Variants in NHSL1 observed in about 807,000 individuals in gnomAD.
The protein encoded by NHSL1 is NHS like 1, also known as NHS-like protein 1.
A neutral mutation model predicts 95.0 loss-of-function variants in NHSL1; 48 were observed. The observed-to-expected ratio is 0.51, with a 90% CI of 0.40 to 0.64. NHSL1 has a LOEUF of 0.64. NHSL1 is among the 30% of genes least tolerant of loss of function. The pLI, the probability that NHSL1 is intolerant of heterozygous loss-of-function variation, is 0.00. For synonymous variants in NHSL1, 783 were observed against 833.9 expected, an observed-to-expected ratio of 0.94 and a Z score of 1.05; for missense variants, 1,971 against 2,077.7, an observed-to-expected ratio of 0.95 and a Z score of 1.00.
intron 1 of NHSL1, among the ~76,000 whole-genome samples, chr6:138,673,548 A>G (rs1785409740): frequency 6.6e-6 from 1 of 152,184 alleles, no homozygotes; most frequent in Non-Finnish European, 1.5e-5. Flanking sequence ...ATCATTGCAC[A>G]AGTCTAAAGG....
intron 7 of NHSL1, among the ~76,000 whole-genome samples, chr6:138,427,941 G>T (rs1190425779): frequency 6.6e-6 from 1 of 152,140 alleles, no homozygotes; most frequent in Non-Finnish European, 1.5e-5. Flanking sequence ...AGGCCTATTT[G>T]GCTTTGACTT....
At chr6:138,622,224 C>T (rs926704676) in intron 1 of NHSL1, among the ~76,000 whole-genome samples, 2 of 151,944 alleles carry the variant, frequency 1.3e-5, no homozygotes, top group South Asian at 4.2e-4. Context: ...ACCTTTTGGC[C>T]GGGCGTGGTG....
At chr6:138,650,389 G>T in intron 1 of NHSL1, 1 of 1,412,980 alleles carries the variant, frequency 7.1e-7, no homozygotes, top group Non-Finnish European at 9.9e-7. Flanking sequence ...ACAGCCATGA[G>T]GTCGCCGACT....
rs145518525 is a variant in NHSL1, at chr6:138,678,003, T to A, written c.96+14473A>T. On this transcript the variant is annotated intron_variant, in intron 1 of 3. Coordinates refer to the NHSL1 transcript ENST00000491526. Reference sequence around the variant, plus strand: ...AAGCACCACAGAATTAAAGGTACTTTCTGTCAGTAAAGAGAGAGCAGAGTA... The same window carrying A: ...AAGCACCACAGAATTAAAGGTACTTACTGTCAGTAAAGAGAGAGCAGAGTA... 1.7e-3 allele frequency among the ~76,000 whole-genome samples: 265 copies of A among 152,286 alleles called. 1 individual carries two copies. Among genetic ancestry groups the A allele is most frequent in the African/African-American group, 6.2e-3 (258 of 41,550 alleles).
rs776080025 is a variant in NHSL1 at position 138,692,161 on chromosome 6, G to C, written c.96+315C>G. Reference sequence around the variant, plus strand: ...CGAACTTGGCTCTCCTCTGTCTACAGCGCCCCGGGGTCTCCCAAACAGACA... The same window carrying C: ...CGAACTTGGCTCTCCTCTGTCTACACCGCCCCGGGGTCTCCCAAACAGACA... On this transcript the variant is annotated intron_variant, in intron 1 of 3. Coordinates refer to the NHSL1 transcript ENST00000491526. The surrounding 1 kb of genome is among the most constrained non-coding windows in gnomAD (Gnocchi z 4.0). The C allele has an allele frequency of 2.2e-6, 1 of 456,682 alleles. No individual in the cohort carries two copies. Among genetic ancestry groups the C allele is most frequent in the South Asian group, 1.5e-5 (1 of 64,570 alleles). 28.3% of individuals were successfully genotyped at this position (456,682 alleles called of 1,614,324 possible). A position where few individuals can be genotyped will look rare whatever the true frequency, so the allele number is the denominator to read the frequency against.
intron 2 of NHSL1, among the ~76,000 whole-genome samples, chr6:138,493,529 A>T (rs900561339): frequency 2.0e-5 from 3 of 152,234 alleles, no homozygotes; most frequent in Admixed American, 1.3e-4. Flanking sequence ...TTTCCTGGAG[A>T]GTGATCAAAA....
chr6:138,666,661 T>C (rs1384991015), intron 1 of NHSL1, among the ~76,000 whole-genome samples: 3 of 151,644 alleles, frequency 2.0e-5, no homozygotes, highest in East Asian at 1.9e-4. Flanking sequence ...GTGAGACATA[T>C]TGTTAAAAGA....
rs1200237064 is a variant in NHSL1 at position 138,424,198 on chromosome 6, C to T, written c.4704G>A (p.Gly1568=). The stretch of plus-strand genomic sequence containing the variant: ...GCTGCAGGGAGGCGGCAGGCCCCTC[C>T]CCACAGAGCAGGCCGCCCTCGTCCA... ...EEMDEGGLLC[G]EGPAASLQPQ... The change falls in exon 8 of 8, where the codon GGG becomes GGA. Residue 1568 remains glycine, a synonymous_variant. Transcript: ENST00000343505. This position sits in a 1 kb window ranked among gnomAD's most constrained non-coding sequence, Gnocchi z 5.9. 12 of 1,486,500 alleles carry T rather than the reference C, an allele frequency of 8.1e-6. No homozygotes were observed. Among genetic ancestry groups the T allele is most frequent in the Non-Finnish European group, 8.9e-6 (10 of 1,121,128 alleles). The allele number at this position is 1,486,500 out of a possible 1,614,324, so 92.1% of individuals were successfully genotyped here.
At chr6:138,598,263 C>G (rs1031996550) in intron 1 of NHSL1, among the ~76,000 whole-genome samples, 1 of 151,918 alleles carries the variant, frequency 6.6e-6, no homozygotes, top group Non-Finnish European at 1.5e-5. Flanking sequence ...GTTCAAGACC[C>G]GTCAGGCCAA....
intron 1 of NHSL1, among the ~76,000 whole-genome samples, chr6:138,568,350 G>T (rs563581274): frequency 1.3e-5 from 2 of 152,222 alleles, no homozygotes; most frequent in South Asian, 4.1e-4. Flanking sequence ...TTTGTATCCT[G>T]CACATAGTAT....
At chr6:138,562,765 G>C (rs182781195) in intron 1 of NHSL1, among the ~76,000 whole-genome samples, 1 of 151,698 alleles carries the variant, frequency 6.6e-6, no homozygotes, top group African/African-American at 2.4e-5. Context: ...GTCTTTTCTC[G>C]GTTACGACAG....
At chr6:138,459,065 C>G (rs1010805364) in intron 3 of NHSL1, among the ~76,000 whole-genome samples, 1 of 152,064 alleles carries the variant, frequency 6.6e-6, no homozygotes, top group Non-Finnish European at 1.5e-5. Context: ...GGCACACTCT[C>G]GGCTCACAGC....
chr6:138,430,443 G>A lies in NHSL1; in HGVS notation c.3902C>T (p.Ala1301Val), dbSNP rs966278715. ...PKQEEPAENS[A>V]DTGGDGESCL... ...GCTCTCCCCATCGCCCCCAGTATCC[G>A]CACTGTTCTCGGCTGGCTCCTCCTG... Residue 1301 changes from alanine to valine, a missense_variant, in exon 6 of 8, where the codon GCG becomes GTG. Physicochemically the swap from Ala to Val is moderately conservative, Grantham distance 64. Transcript: ENST00000343505. This position sits in a 1 kb window ranked among gnomAD's most constrained non-coding sequence, Gnocchi z 4.7. 21 of 1,537,180 alleles carry A rather than the reference G, an allele frequency of 1.4e-5. No homozygotes were observed. Among genetic ancestry groups the A allele is most frequent in the East Asian group, 4.9e-5 (2 of 40,738 alleles).
At chr6:138,607,628 C>T (rs1242678704) in intron 1 of NHSL1, among the ~76,000 whole-genome samples, 1 of 152,172 alleles carries the variant, frequency 6.6e-6, no homozygotes, top group Non-Finnish European at 1.5e-5. Context: ...AGTTGTGGTA[C>T]ATGGAACAAA....
At chr6:138,682,812 A>C (rs552718563) in intron 1 of NHSL1, among the ~76,000 whole-genome samples, 6 of 152,254 alleles carry the variant, frequency 3.9e-5, no homozygotes, top group African/African-American at 9.6e-5. Context: ...GGGCGGGGCC[A>C]CCTGGGGGTG....
upstream of NHSL1, among the ~76,000 whole-genome samples, chr6:138,575,082 AG>A (rs1783947462): frequency 3.3e-5 from 5 of 152,212 alleles, no homozygotes; most frequent in Admixed American, 3.3e-4. Flanking sequence ...TATTTTTAGT[AG>A]AGACGGGGTT....
At chr6:138,465,830 TCTC>T (rs568107974) in intron 3 of NHSL1, among the ~76,000 whole-genome samples, 127 of 149,812 alleles carry the variant, frequency 8.5e-4, no homozygotes, top group Middle Eastern at 3.5e-3. Context: ...TTCAAGCAAT[TCTC>T]CTGCCTCAGC....
At chr6:138,593,337 G>A (rs4445072) in intron 1 of NHSL1, among the ~76,000 whole-genome samples, 50,596 of 152,006 alleles carry the variant, frequency 0.33, 8,798 homozygotes, top group Middle Eastern at 0.46. Context: ...GTGATTCCCC[G>A]TTCATAGTCT....
chr6:138,487,546 G>C (rs1562319501), intron 2 of NHSL1, among the ~76,000 whole-genome samples: 1 of 152,196 alleles, frequency 6.6e-6, no homozygotes, highest in Non-Finnish European at 1.5e-5. Context: ...CAGGACTTAG[G>C]CTCAGCCATC....
Sources: allele counts gnomAD v4.1 joint callset (sites outside exome capture counted in the v4.1 genomes callset), GRCh38; gene constraint gnomAD v4.1.1; non-coding constraint Gnocchi (gnomAD v3.1); transcripts MANE v1.5; gene names NCBI Gene and HGNC (gene_info 2026-07-23, HGNC 2026-07-21).